Variants in ENPP7 observed in about 807,000 individuals in gnomAD.
ENPP7 encodes ectonucleotide pyrophosphatase/phosphodiesterase 7.
ENPP7 carries 39 observed loss-of-function variants against 33.6 expected under a neutral mutation model. The observed-to-expected ratio is 1.16, with a 90% CI of 0.90 to 1.52. ENPP7 has a LOEUF of 1.52. Ranked by LOEUF, ENPP7 falls within the 40% of genes most tolerant of loss-of-function variation. The probability of loss-of-function intolerance (pLI) is 0.00; values close to 1 mark genes in which losing one functional copy is unlikely to be tolerated. For synonymous variants in ENPP7, 244 were observed against 274.3 expected, an observed-to-expected ratio of 0.89 and a Z score of 1.09; for missense variants, 594 against 641.0, an observed-to-expected ratio of 0.93 and a Z score of 0.79.
At position 79,735,279 on chromosome 17, in the gene ENPP7, G is replaced by A. The variant is rs138540380; in HGVS notation, c.636G>A (p.Arg212=). 6.2e-7 allele frequency: 1 copy of A among 1,613,654 alleles called. No homozygotes were observed. The highest frequency in any genetic ancestry group is 8.5e-7 in the Non-Finnish European group (1 of 1,180,036). Residue 212 remains arginine (R), a synonymous_variant, in exon 3 of 6, where the codon AGG becomes AGA. Coordinates refer to ENST00000328313, the MANE Select transcript of ENPP7 (RefSeq NM_178543.5). This position sits in a 1 kb window ranked among gnomAD's most constrained non-coding sequence, Gnocchi z 5.5. ...GGTACGGCCCCGAGTCCCCGGAGAG[G>A]AGGGAGATGGTGCGGCAGGTGGACC... ...GHRYGPESPE[R]REMVRQVDRT...
At chr17:79,740,018 C>A (rs1445456856) in intron 5 of ENPP7, among the ~76,000 whole-genome samples, 2 of 152,092 alleles carry the variant, frequency 1.3e-5, no homozygotes, top group Admixed American at 1.3e-4. Context: ...ATAGTTAGAC[C>A]CCGTCTCTGT....
intron 1 of ENPP7, among the ~76,000 whole-genome samples, chr17:79,732,166 A>G (rs2145789259): frequency 1.5e-5 from 2 of 135,552 alleles, no homozygotes; most frequent in South Asian, 4.8e-4. Context: ...ACATATATAT[A>G]TATATGAGGC....
At chr17:79,734,199 C>T (rs2094291175) in intron 2 of ENPP7, among the ~76,000 whole-genome samples, 1 of 132,502 alleles carries the variant, frequency 7.5e-6, no homozygotes, top group Non-Finnish European at 1.6e-5. Flanking sequence ...AGAGGCGAGG[C>T]TTCCAGTAAA....
Position 79,734,350 on chromosome 17 carries a change from TGGTGAG to T in ENPP7, c.400-692_400-687del, listed in dbSNP as rs1555823068. On this transcript the variant is annotated intron_variant, in intron 2 of 5. Coordinates refer to ENST00000328313, the MANE Select transcript of ENPP7 (RefSeq NM_178543.5). ...CACACTCAGGGCTCCTTCCACCGGC[TGGTGAG>T]CAGGAAGCCAAGGTAGAGACCCTGG... is the stretch of plus-strand genomic sequence containing the variant. Among the ~76,000 whole-genome samples, 4 of 152,248 alleles carry T rather than the reference TGGTGAG, an allele frequency of 2.6e-5. No individual in the cohort carries two copies. The East Asian group carries it at 7.7e-4, about 29-fold the overall frequency.
chr17:79,736,536 C>CGTGTGTGTGTGTGTGT (rs58744239), intron 3 of ENPP7, among the ~76,000 whole-genome samples: 1 of 146,010 alleles, frequency 6.8e-6, no homozygotes, highest in Non-Finnish European at 1.5e-5. Flanking sequence ...GTGTGATAGG[C>CGTGTGTGTGTGTGTGT]GTGTGTGTGT....
chr17:79,735,483 C>T lies in ENPP7; in HGVS notation c.840C>T (p.Tyr280=), dbSNP rs140754658. The T allele has an allele frequency of 6.2e-6, 10 of 1,613,964 alleles. No individual in the cohort carries two copies. Among genetic ancestry groups the T allele is most frequent in the East Asian group, 2.2e-5 (1 of 44,890 alleles). ...ACATCGAGTTTGAGCTCCTGGACTA[C>T]GGACCAAACGGGATGCTGCTCCCTA... ...FRDIEFELLD[Y]GPNGMLLPKE... Residue 280 remains tyrosine (Y), a synonymous_variant, in exon 3 of 6, where the codon TAC becomes TAT. Coordinates refer to ENST00000328313, the MANE Select transcript of ENPP7 (RefSeq NM_178543.5). This position sits in a 1 kb window ranked among gnomAD's most constrained non-coding sequence, Gnocchi z 5.5.
At position 79,737,951 on chromosome 17, in the gene ENPP7, CT is replaced by C; in HGVS notation, c.1283del (p.Leu428ArgfsTer17). 1 of 1,613,928 alleles carries C rather than the reference CT, an allele frequency of 6.2e-7. No homozygotes were observed. Among genetic ancestry groups the C allele is most frequent in the Non-Finnish European group, 8.5e-7 (1 of 1,180,026 alleles). The stretch of plus-strand genomic sequence containing the variant: ...TCCGCCTGATGGAAGGCCTACTCTC[CT>C]GCCCAAGGGAAGATCTGCTCTCCCG... Reference protein sequence around the residue: ...ALPPDGRPTLLPKGRSALPPS... With the variant: ...ALPPDGRPTLXPKGRSALPPS... On this transcript the variant is annotated frameshift_variant, in exon 5 of 6. Coordinates refer to ENST00000328313, the MANE Select transcript of ENPP7 (RefSeq NM_178543.5). LOFTEE classifies it high-confidence loss of function. This position sits in a 1 kb window ranked among gnomAD's most constrained non-coding sequence, Gnocchi z 5.5.
Position 79,739,088 on chromosome 17 carries a change from T to A in ENPP7, c.*16+1026T>A, listed in dbSNP as rs1418523855. The A allele has an allele frequency of 6.6e-6, 1 of 152,272 alleles. No individual in the cohort carries two copies. The highest frequency in any genetic ancestry group is 1.5e-5 in the Non-Finnish European group (1 of 68,062). The allele number at this position is 152,272 out of a possible 1,614,324, so 9.4% of individuals were successfully genotyped here. A position where few individuals can be genotyped will look rare whatever the true frequency, so the allele number is the denominator to read the frequency against. On this transcript the variant is annotated intron_variant, in intron 5 of 5. Transcript: ENST00000328313. The surrounding 1 kb of genome is among the most constrained non-coding windows in gnomAD (Gnocchi z 4.4). ...CATTTGCCCGGCCTGGAATGGCCTC[T>A]CTGAGAAGGTGGATTTAGGGAGAAA...
chr17:79,735,091 C>A lies in ENPP7; in HGVS notation c.448C>A (p.Gln150Lys), dbSNP rs1359774540. Residue 150 changes from glutamine (Q) to lysine (K), a missense_variant, in exon 3 of 6, where the codon CAA becomes AAA. Gln to Lys is a moderately conservative substitution (Grantham distance 53). This residue lies in a region of ENPP7 where 504 missense variants were observed against 512.8 expected (regional missense o/e 0.98). Transcript: ENST00000328313. The surrounding 1 kb of genome is among the most constrained non-coding windows in gnomAD (Gnocchi z 5.5). ...CTACCCGGGCGGGAACGTCACCTAC[C>A]AAGGGGTGGCTGTGACGCGGAGCCG... ...FFYPGGNVTY[Q>K]GVAVTRSRKE... 1.9e-6 allele frequency: 3 copies of A among 1,613,024 alleles called. No homozygotes were observed. Among genetic ancestry groups the A allele is most frequent in the East Asian group, 4.5e-5 (2 of 44,878 alleles).
At chr17:79,732,040 G>A (rs1399295094) in intron 1 of ENPP7, among the ~76,000 whole-genome samples, 1 of 149,352 alleles carries the variant, frequency 6.7e-6, no homozygotes, top group Non-Finnish European at 1.5e-5. Flanking sequence ...GGAAGTTGCA[G>A]TGAGCTGAGA....
At chr17:79,733,382 G>A in intron 1 of ENPP7, 126 bp from the exon 2 acceptor site, 3 of 980,754 alleles carry the variant, frequency 3.1e-6, no homozygotes, top group Non-Finnish European at 4.7e-6. Context: ...CCTGCCCCAG[G>A]CCCACTCCCC....
intron 3 of ENPP7, among the ~76,000 whole-genome samples, chr17:79,736,077 G>A (rs1033298114): frequency 1.3e-5 from 2 of 152,160 alleles, no homozygotes; most frequent in Non-Finnish European, 2.9e-5. Context: ...CTAATTTTTT[G>A]TATTTTTAGT....
At position 79,735,731 on chromosome 17, in the gene ENPP7, T is replaced by C; in HGVS notation, c.1026+62T>C. 1.4e-6 allele frequency: 2 copies of C among 1,410,480 alleles called. No individual in the cohort carries two copies. Among genetic ancestry groups the C allele is most frequent in the Non-Finnish European group, 1.9e-6 (2 of 1,055,304 alleles). 87.4% of individuals were successfully genotyped at this position (1,410,480 alleles called of 1,614,324 possible). ...CCCTCCCCAGGCTCTGGGTCTTCTTTTTTTTTTTTTGAGACCAGGGTCTTG... is the reference window on the plus strand; with the variant it reads ...CCCTCCCCAGGCTCTGGGTCTTCTTCTTTTTTTTTTGAGACCAGGGTCTTG... On this transcript the variant is annotated intron_variant, in intron 3 of 5. Transcript: ENST00000328313. The surrounding 1 kb of genome is among the most constrained non-coding windows in gnomAD (Gnocchi z 5.5).
chr17:79,732,705 C>G (rs1412999351), intron 1 of ENPP7, among the ~76,000 whole-genome samples: 1 of 152,208 alleles, frequency 6.6e-6, no homozygotes, highest in African/African-American at 2.4e-5. Context: ...ACTAGTACAC[C>G]AGTCGCTGAA....
Position 79,741,965 on chromosome 17 carries a change from C to A in ENPP7, c.*188C>A, listed in dbSNP as rs569648604. ...GTTATGGTGCTGGTAATAAGCCTCG[C>A]AGCCCAGGTCCAGAGCCCCCGGCGA... is the stretch of plus-strand genomic sequence containing the variant. On this transcript the variant is annotated 3_prime_UTR_variant, in exon 6 of 6. Coordinates refer to ENST00000328313, the MANE Select transcript of ENPP7 (RefSeq NM_178543.5). The A allele has an allele frequency of 5.1e-5, 50 of 985,702 alleles. No individual in the cohort carries two copies. In the African/African-American group the frequency reaches 7.8e-4, roughly 15 times the overall value. The allele number at this position is 985,702 out of a possible 1,614,324, so 61.1% of individuals were successfully genotyped here. A position where few individuals can be genotyped will look rare whatever the true frequency, so the allele number is the denominator to read the frequency against.
At position 79,739,999 on chromosome 17, in the gene ENPP7, CT is replaced by C. The variant is rs1185709053; in HGVS notation, c.*17-1793del. On this transcript the variant is annotated intron_variant, in intron 5 of 5. Coordinates refer to ENST00000328313, the MANE Select transcript of ENPP7 (RefSeq NM_178543.5). This position sits in a 1 kb window ranked among gnomAD's most constrained non-coding sequence, Gnocchi z 4.4. ...TTGAGCCCAGGAGTTCAAGACCAGC[CT>C]TGGCAATATAGTTAGACCCCGTCTC... is the stretch of plus-strand genomic sequence containing the variant. Among the ~76,000 whole-genome samples the C allele has an allele frequency of 1.3e-5, 2 of 152,152 alleles. No individual in the cohort carries two copies. Among genetic ancestry groups the C allele is most frequent in the Admixed American group, 1.3e-4 (2 of 15,258 alleles).
chr17:79,736,209 T>C (rs2094295474), intron 3 of ENPP7, among the ~76,000 whole-genome samples: 1 of 152,136 alleles, frequency 6.6e-6, no homozygotes, highest in Non-Finnish European at 1.5e-5. Context: ...CAGCTGATGT[T>C]TGTATTTTTT....
chr17:79,741,940 G>A lies in ENPP7; in HGVS notation c.*163G>A. On this transcript the variant is annotated 3_prime_UTR_variant, in exon 6 of 6. Transcript: ENST00000328313. ...CGGCAGCGCCAACCCCTGCTTGGCT[G>A]TTATGGTGCTGGTAATAAGCCTCGC... 3.0e-6 allele frequency: 3 copies of A among 985,642 alleles called. No individual in the cohort carries two copies. The highest frequency in any genetic ancestry group is 1.1e-4 in the East Asian group (1 of 8,790). The allele number at this position is 985,642 out of a possible 1,614,324, so 61.1% of individuals were successfully genotyped here.
intron 1 of ENPP7, among the ~76,000 whole-genome samples, chr17:79,732,109 C>CTTATATATATACATAT (rs2094286542): frequency 1.2e-5 from 1 of 82,574 alleles, no homozygotes; most frequent in Non-Finnish European, 2.4e-5. Flanking sequence ...TATATATATA[C>CTTATATATATACATAT]ATATATATAT....
Sources: gnomAD v4.1 joint callset for allele counts (sites outside exome capture counted in the v4.1 genomes callset) on GRCh38, gnomAD v4.1.1 for gene constraint, gnomAD v4.1.1 regional missense constraint, Gnocchi (gnomAD v3.1) non-coding constraint, MANE v1.5 for transcripts, NCBI Gene and HGNC (gene_info 2026-07-23, HGNC 2026-07-21) for gene names.